Variants in NYAP2 observed in about 807,000 individuals in gnomAD.
The protein encoded by NYAP2 is neuronal tyrosine-phosphorylated phosphoinositide-3-kinase adaptor 2, also known as neuronal tyrosine-phosphorylated phosphoinositide-3-kinase adapter 2.
Under a neutral mutation model 50.4 loss-of-function variants are expected in NYAP2, and 23 were observed. That is an observed-to-expected ratio of 0.46 (90% CI 0.33 to 0.65). The LOEUF (loss-of-function observed/expected upper bound fraction) is 0.65, where lower values mean the gene tolerates loss of function less well. NYAP2 is among the 30% of genes least tolerant of loss of function. The pLI, the probability that NYAP2 is intolerant of heterozygous loss-of-function variation, is 0.02. For missense variants in NYAP2, 885 were observed against 861.0 expected (o/e 1.03, Z -0.35); for synonymous variants, 394 against 365.2 (o/e 1.08, Z -0.90).
At position 225,582,960 on chromosome 2, in the gene NYAP2, A is replaced by G; in HGVS notation, c.1543A>G (p.Thr515Ala). 1 of 1,611,730 alleles carries G rather than the reference A, an allele frequency of 6.2e-7. No individual in the cohort carries two copies. The highest frequency in any genetic ancestry group is 1.1e-5 in the South Asian group (1 of 91,000). ...ACCCACGAGCCCGCTGGAGGAGCTGACCAGCCTCTTCTCCTCCGGCCGCAG... is the reference window on the plus strand; with the variant it reads ...ACCCACGAGCCCGCTGGAGGAGCTGGCCAGCCTCTTCTCCTCCGGCCGCAG... The change falls in exon 5 of 7, where the codon ACC (threonine) becomes GCC (alanine). Residue 515 changes from threonine (T) to alanine (A), a missense_variant. Physicochemically the swap from Thr to Ala is moderately conservative, Grantham distance 58. Transcript: ENST00000636099. This position sits in a 1 kb window ranked among gnomAD's most constrained non-coding sequence, Gnocchi z 7.0.
At position 225,582,126 on chromosome 2, in the gene NYAP2, G is replaced by T. The variant is rs761860989; in HGVS notation, c.709G>T (p.Asp237Tyr). 5.0e-6 allele frequency: 8 copies of T among 1,613,800 alleles called. No individual in the cohort carries two copies. Among genetic ancestry groups the T allele is most frequent in the Non-Finnish European group, 5.9e-6 (7 of 1,179,794 alleles). Residue 237 changes from aspartate (D) to tyrosine (Y), a missense_variant, in exon 5 of 7, where the codon GAC becomes TAC. Coordinates refer to ENST00000636099, the Ensembl canonical transcript of NYAP2. This position sits in a 1 kb window ranked among gnomAD's most constrained non-coding sequence, Gnocchi z 7.0. ...GTCCCAGATGGGCAGCCCCGCGGGA[G>T]ACCCCGAGGAAGAGGAGCCCGTGTA...
chr2:225,625,779 A>C (rs1693199082), intron 5 of NYAP2, among the ~76,000 whole-genome samples: 1 of 152,216 alleles, frequency 6.6e-6, no homozygotes, highest in South Asian at 2.1e-4. Flanking sequence ...TATGGGCAAC[A>C]GGAGGCTTCT....
intron 3 of NYAP2, among the ~76,000 whole-genome samples, chr2:225,512,472 T>A (rs1690836830): frequency 6.6e-6 from 1 of 151,406 alleles, no homozygotes; most frequent in African/African-American, 2.4e-5. Context: ...CCTCCCTCCC[T>A]CCTTTCTTCC....
At chr2:225,510,196 T>C (rs1343952715) in intron 3 of NYAP2, among the ~76,000 whole-genome samples, 4 of 152,230 alleles carry the variant, frequency 2.6e-5, no homozygotes, top group Non-Finnish European at 4.4e-5. Context: ...GGGGATTGTT[T>C]GTTACTGCAG....
rs1692311003 is a variant in NYAP2, at chr2:225,582,605, G to A, written c.1188G>A (p.Glu396=). Residue 396 remains glutamate, a synonymous_variant, in exon 5 of 7, where the codon GAG becomes GAA. Coordinates refer to ENST00000636099, the Ensembl canonical transcript of NYAP2. The surrounding 1 kb of genome is among the most constrained non-coding windows in gnomAD (Gnocchi z 7.0). ...CCGGCCATGCGAAACTGGAGAAAGA[G>A]CAGGCCGCGGCCCTGGGACCTGCCT... 1.3e-6 allele frequency: 2 copies of A among 1,593,304 alleles called. No homozygotes were observed. Among genetic ancestry groups the A allele is most frequent in the Non-Finnish European group, 1.7e-6 (2 of 1,170,812 alleles).
intron 5 of NYAP2, among the ~76,000 whole-genome samples, chr2:225,602,294 G>A (rs1559227021): frequency 6.6e-6 from 1 of 152,162 alleles, no homozygotes; most frequent in Non-Finnish European, 1.5e-5. Context: ...GGTCAATTAC[G>A]GAGAGGTAGG....
chr2:225,621,422 AG>A (rs1415444233), intron 5 of NYAP2, among the ~76,000 whole-genome samples: 2 of 152,236 alleles, frequency 1.3e-5, no homozygotes, highest in African/African-American at 4.8e-5. Flanking sequence ...TACCTAATGT[AG>A]TCAAATTCTT....
chr2:225,461,014 A>G (rs1689821052), intron 3 of NYAP2, among the ~76,000 whole-genome samples: 1 of 151,896 alleles, frequency 6.6e-6, no homozygotes, highest in Non-Finnish European at 1.5e-5. Context: ...AAAAAAAAAA[A>G]AAAGATTTGT....
chr2:225,461,461 T>C (rs1429273416), intron 3 of NYAP2, among the ~76,000 whole-genome samples: 1 of 152,232 alleles, frequency 6.6e-6, no homozygotes, highest in Admixed American at 6.5e-5. Flanking sequence ...GAAAAGTCTG[T>C]TCCTGGAATA....
chr2:225,688,044 C>T, the NYAP2 span, among the ~76,000 whole-genome samples: 32 of 152,158 alleles, frequency 2.1e-4, no homozygotes, highest in African/African-American at 7.7e-4. Flanking sequence ...TTTTAATAAA[C>T]TCCCAAGGGA....
At chr2:225,476,327 G>T (rs112073059) in intron 3 of NYAP2, among the ~76,000 whole-genome samples, 1,696 of 151,880 alleles carry the variant, frequency 0.011, 37 homozygotes, top group African/African-American at 0.039. Context: ...GCAGGAGAAC[G>T]GCGTGAACCC....
intron 4 of NYAP2, among the ~76,000 whole-genome samples, chr2:225,573,678 C>T (rs997394007): frequency 6.6e-6 from 1 of 152,162 alleles, no homozygotes; most frequent in African/African-American, 2.4e-5. Flanking sequence ...TGGGTTGGAA[C>T]GTTGAAGAAT....
chr2:225,555,046 A>G (rs1691752947), intron 4 of NYAP2, among the ~76,000 whole-genome samples: 1 of 152,318 alleles, frequency 6.6e-6, no homozygotes, highest in East Asian at 1.9e-4. Flanking sequence ...AGCATTTTCC[A>G]GTTTTTCTTC....
intron 3 of NYAP2, among the ~76,000 whole-genome samples, chr2:225,489,343 G>A (rs755710219): frequency 3.3e-5 from 5 of 151,834 alleles, no homozygotes; most frequent in Admixed American, 6.6e-5. Flanking sequence ...ACAGGTGCCC[G>A]CCACCATACC....
chr2:225,513,415 G>A, exon 4 of NYAP2: 1 of 1,613,984 alleles, frequency 6.2e-7, no homozygotes, highest in East Asian at 2.2e-5. Flanking sequence ...AGTTACGTGG[G>A]CAAACATTTC....
chr2:225,579,529 T>A (rs1254758502), intron 4 of NYAP2, among the ~76,000 whole-genome samples: 1 of 152,242 alleles, frequency 6.6e-6, no homozygotes, highest in Non-Finnish European at 1.5e-5. Flanking sequence ...ATTTCATTTT[T>A]TCTGTTTCTT....
At chr2:225,634,826 C>A (rs538265985) in intron 6 of NYAP2, among the ~76,000 whole-genome samples, 18 of 152,194 alleles carry the variant, frequency 1.2e-4, no homozygotes, top group Non-Finnish European at 1.5e-5. Flanking sequence ...ATCACAAAGA[C>A]CTTGAGAGGT....
chr2:225,495,316 C>T (rs112093869), intron 3 of NYAP2, among the ~76,000 whole-genome samples: 41 of 152,206 alleles, frequency 2.7e-4, no homozygotes, highest in East Asian at 1.7e-3. Context: ...AGGGAATTTT[C>T]GAAAACAGCT....
chr2:225,650,160 T>C (rs1384757384), intron 6 of NYAP2, among the ~76,000 whole-genome samples: 1 of 152,138 alleles, frequency 6.6e-6, no homozygotes, highest in Non-Finnish European at 1.5e-5. Context: ...ATGTTGTGTC[T>C]GAGAGGGGTT....
Sources: gnomAD v4.1 joint callset for allele counts (sites outside exome capture counted in the v4.1 genomes callset) on GRCh38, gnomAD v4.1.1 for gene constraint, Gnocchi (gnomAD v3.1) non-coding constraint, MANE v1.5 for transcripts, NCBI Gene and HGNC (gene_info 2026-07-23, HGNC 2026-07-21) for gene names.